EIF2AK4: variants seen among roughly 807,000 people sequenced by gnomAD.
EIF2AK4 encodes eukaryotic translation initiation factor 2 alpha kinase 4.
In EIF2AK4, 139 loss-of-function variants were observed where a neutral mutation model predicts 211.1. The ratio of observed to expected loss-of-function variants is 0.66; its 90% CI spans 0.57 to 0.76. The LOEUF (loss-of-function observed/expected upper bound fraction) is 0.76. EIF2AK4 is among the 30% of genes least tolerant of loss of function. EIF2AK4 has a pLI of 0.00. For missense variants in EIF2AK4, 1,664 were observed against 2,043.8 expected, an observed-to-expected ratio of 0.81 and a Z score of 3.58; for synonymous variants, 710 against 751.3, an observed-to-expected ratio of 0.94 and a Z score of 0.90.
intron 2 of EIF2AK4, among the ~76,000 whole-genome samples, chr15:39,941,490 T>TA (rs1489797866): frequency 2.0e-5 from 3 of 147,542 alleles, no homozygotes; most frequent in South Asian, 4.1e-4. Flanking sequence ...CAAATATATA[T>TA]TTTTTTATTA....
At chr15:39,954,068 C>A in intron 5 of EIF2AK4, 84 bp downstream of exon 5, 2 of 1,081,400 alleles carry the variant, frequency 1.8e-6, no homozygotes, top group South Asian at 1.7e-5. Context: ...GTGTTACTAT[C>A]AGTAATACAG....
chr15:40,026,501 A>G (rs1162188291), intron 33 of EIF2AK4, among the ~76,000 whole-genome samples: 1 of 152,152 alleles, frequency 6.6e-6, no homozygotes, highest in Non-Finnish European at 1.5e-5. Context: ...TTGAGAAACA[A>G]AGATAGGTCA....
rs1281845992 is a variant in EIF2AK4, at chr15:40,016,514, T to C, written c.3772T>C (p.Tyr1258His). The C allele has an allele frequency of 2.5e-6, 4 of 1,614,062 alleles. No homozygotes were observed. The highest frequency in any genetic ancestry group is 1.3e-5 in the African/African-American group (1 of 74,942). Residue 1258 changes from tyrosine (Y) to histidine (H), a missense_variant, in exon 28 of 39, where the codon TAC becomes CAC. Physicochemically the swap from Tyr to His is moderately conservative, Grantham distance 83. This residue lies in a region of EIF2AK4 where 622 missense variants were observed against 796.8 expected (regional missense o/e 0.78). Coordinates refer to ENST00000263791, the MANE Select transcript of EIF2AK4 (RefSeq NM_001013703.4). Reference protein sequence around the residue: ...SLSSNSLCRLYKFIEQKGDLQ... With the variant: ...SLSSNSLCRLHKFIEQKGDLQ... ...CTTTGCTTTCCAGCTGTGTCGACTC[T>C]ACAAGTTTATTGAACAGAAGGGAGA... is the stretch of plus-strand genomic sequence containing the variant.
chr15:39,971,226 T>C (rs1335557145), intron 9 of EIF2AK4, among the ~76,000 whole-genome samples: 2 of 152,060 alleles, frequency 1.3e-5, no homozygotes, highest in African/African-American at 2.4e-5. Context: ...CTCTACTTTT[T>C]TAAGTATTCC....
At chr15:40,002,875 T>C (rs966153078) in intron 22 of EIF2AK4, 87 bp downstream of exon 22, 134 of 1,423,432 alleles carry the variant, frequency 9.4e-5, no homozygotes, top group Non-Finnish European at 1.1e-4. Context: ...GGGCATATCA[T>C]ATTTTACTTT....
chr15:39,955,489 A>G, intron 5 of EIF2AK4, 131 bp from the exon 6 acceptor site: 1 of 867,346 alleles, frequency 1.2e-6, no homozygotes, highest in Non-Finnish European at 1.7e-6. Context: ...TTAAAAGTTA[A>G]GTTCAATTTT....
intron 25 of EIF2AK4, among the ~76,000 whole-genome samples, chr15:40,009,021 A>G (rs966765262): frequency 6.6e-6 from 1 of 152,124 alleles, no homozygotes; most frequent in Non-Finnish European, 1.5e-5. Context: ...TGTCTTTGAA[A>G]TCAACTCTCT....
intron 33 of EIF2AK4, among the ~76,000 whole-genome samples, chr15:40,026,619 T>G (rs1447827673): frequency 6.6e-6 from 1 of 152,198 alleles, no homozygotes; most frequent in African/African-American, 2.4e-5. Context: ...CAACATTTGT[T>G]CTTCATACCA....
rs1355402531 is a variant in EIF2AK4, at chr15:39,934,256, C to A, written c.61C>A (p.Gln21Lys). The A allele has an allele frequency of 6.2e-7, 1 of 1,610,534 alleles. No homozygotes were observed. Among genetic ancestry groups the A allele is most frequent in the Non-Finnish European group, 8.5e-7 (1 of 1,178,734 alleles). Reference sequence around the variant, plus strand: ...GGACGAGCCTCCGGAGAGCTACCCGCAACGACAGGACCACGAGCTACAGGC... The same window carrying A: ...GGACGAGCCTCCGGAGAGCTACCCGAAACGACAGGACCACGAGCTACAGGC... ...GRDEPPESYP[Q>K]RQDHELQALE... Residue 21 changes from glutamine to lysine, a missense_variant, in exon 1 of 39, where the codon CAA becomes AAA. Coordinates refer to ENST00000263791, the MANE Select transcript of EIF2AK4 (RefSeq NM_001013703.4).
intron 35 of EIF2AK4, among the ~76,000 whole-genome samples, chr15:40,030,882 G>A (rs994958576): frequency 6.6e-6 from 1 of 152,096 alleles, no homozygotes; most frequent in Non-Finnish European, 1.5e-5. Context: ...ACATTAACAT[G>A]GCCCCAGTCC....
chr15:39,961,883 CA>C lies in EIF2AK4; in HGVS notation c.846del (p.Lys284AsnfsTer12). The C allele has an allele frequency of 6.2e-7, 1 of 1,613,062 alleles. No individual in the cohort carries two copies. The highest frequency in any genetic ancestry group is 8.5e-7 in the Non-Finnish European group (1 of 1,179,630). On this transcript the variant is annotated frameshift_variant, in exon 7 of 39. Transcript: ENST00000263791. LOFTEE classifies it high-confidence loss of function. ...MGSPDQLMVH[K>X]GKCIGSDEQL... Reference sequence around the variant, plus strand: ...GGAGTCCTGATCAGCTCATGGTGCACAAAGGGAAATGTATTGGTGAGTAAAC... The same window carrying C: ...GGAGTCCTGATCAGCTCATGGTGCACAAGGGAAATGTATTGGTGAGTAAAC...
At chr15:39,953,135 C>T (rs933218462) in intron 4 of EIF2AK4, among the ~76,000 whole-genome samples, 4 of 152,148 alleles carry the variant, frequency 2.6e-5, no homozygotes, top group Admixed American at 6.5e-5. Flanking sequence ...CATGAGCTAC[C>T]GCACCCTGCC....
At chr15:40,012,159 C>G (rs2035243608) in intron 27 of EIF2AK4, among the ~76,000 whole-genome samples, 1 of 152,074 alleles carries the variant, frequency 6.6e-6, no homozygotes, top group Non-Finnish European at 1.5e-5. Flanking sequence ...ATCTTTCGGA[C>G]ACCTACAGTG....
chr15:39,963,878 T>C (rs1211500270), intron 7 of EIF2AK4, among the ~76,000 whole-genome samples: 1 of 152,200 alleles, frequency 6.6e-6, no homozygotes, highest in Non-Finnish European at 1.5e-5. Context: ...TAGTCCCAAT[T>C]AGGGAAACAA....
rs1418526168 is a variant in EIF2AK4 at position 39,934,232 on chromosome 15, G to T, written c.37G>T (p.Asp13Tyr). ...CCGTGGGGCCCCCGGGCGCGGCCGG[G>T]ACGAGCCTCCGGAGAGCTACCCGCA... The part of the protein sequence containing the change: ...GGRGAPGRGR[D>Y]EPPESYPQRQ... Residue 13 changes from aspartate to tyrosine, a missense_variant, in exon 1 of 39, where the codon GAC (aspartate) becomes TAC (tyrosine). Coordinates refer to ENST00000263791, the MANE Select transcript of EIF2AK4 (RefSeq NM_001013703.4). 1 of 1,601,920 alleles carries T rather than the reference G, an allele frequency of 6.2e-7. No individual in the cohort carries two copies. Among genetic ancestry groups the T allele is most frequent in the South Asian group, 1.1e-5 (1 of 89,764 alleles).
intron 4 of EIF2AK4, 46 bp downstream of exon 4, chr15:39,949,314 A>T: frequency 1.2e-6 from 2 of 1,604,860 alleles, no homozygotes; most frequent in Non-Finnish European, 1.7e-6. Flanking sequence ...AGCCTGGAGG[A>T]TTGCAAACTA....
At chr15:40,031,567 A>G (rs1261890262) in intron 35 of EIF2AK4, among the ~76,000 whole-genome samples, 2 of 152,118 alleles carry the variant, frequency 1.3e-5, no homozygotes, top group Non-Finnish European at 2.9e-5. Context: ...CTCTGTGTGC[A>G]CTGTTTCACT....
chr15:39,976,880 G>A (rs1177748946), intron 12 of EIF2AK4, 36 bp downstream of exon 12: 3 of 1,430,122 alleles, frequency 2.1e-6, no homozygotes, highest in Non-Finnish European at 1.8e-6. Flanking sequence ...CCTCTGATGC[G>A]CCCCCTAGTT....
rs2034775493 is a variant in EIF2AK4 at position 39,981,042 on chromosome 15, A to G, written c.2319+2895A>G. On this transcript the variant is annotated intron_variant, in intron 13 of 38. Transcript: ENST00000263791. ...GTCAATGAAATCACTACTAATAAAC[A>G]TTTATTAGTTATAAATTTAAACCAG... Among the ~76,000 whole-genome samples, 4 of 152,210 alleles carry G rather than the reference A, an allele frequency of 2.6e-5. No individual in the cohort carries two copies. The South Asian group carries it at 8.3e-4, about 32-fold the overall frequency.
Sources: gnomAD v4.1 joint callset for allele counts (sites outside exome capture counted in the v4.1 genomes callset) on GRCh38, gnomAD v4.1.1 for gene constraint, gnomAD v4.1.1 regional missense constraint, MANE v1.5 for transcripts, NCBI Gene and HGNC (gene_info 2026-07-23, HGNC 2026-07-21) for gene names.